ESPL1: variants seen among roughly 807,000 people sequenced by gnomAD.
ESPL1 encodes extra spindle pole bodies like 1, separase, also known as separin.
A neutral mutation model predicts 217.2 loss-of-function variants in ESPL1; 50 were observed. The ratio of observed to expected loss-of-function variants is 0.23; its 90% CI spans 0.18 to 0.29. The LOEUF is 0.29. ESPL1 is among the 10% of genes least tolerant of loss of function. ESPL1 has a pLI of 1.00. For missense variants in ESPL1, 1,834 were observed against 2,603.0 expected (o/e 0.70, Z 6.43); for synonymous variants, 994 against 1,081.3 (o/e 0.92, Z 1.58).
intron 1 of ESPL1, 69 bp downstream of exon 1, chr12:53,268,446 A>T: frequency 3.1e-6 from 1 of 322,204 alleles, no homozygotes; most frequent in Non-Finnish European, 5.8e-6. Flanking sequence ...CGCTGACGCG[A>T]GGAGAGGCGT....
chr12:53,288,824 C>A, intron 20 of ESPL1, 125 bp downstream of exon 20: 1 of 766,638 alleles, frequency 1.3e-6, no homozygotes, highest in African/African-American at 2.3e-5. Context: ...GTGTTTGAAC[C>A]CCAGCACTCT....
chr12:53,274,932 A>T lies in ESPL1; in HGVS notation c.1622A>T (p.His541Leu). The T allele has an allele frequency of 6.2e-7, 1 of 1,604,406 alleles. No individual in the cohort carries two copies. The highest frequency in any genetic ancestry group is 8.5e-7 in the Non-Finnish European group (1 of 1,175,636). ...GCCCTGCAACCCTGTAGCCCTGAAC[A>T]CATGGCTGAGCCAGTCACTTTCTGG... ...LAALQPCSPEHMAEPVTFWVR... is the reference protein window; with the variant it reads ...LAALQPCSPELMAEPVTFWVR... The change falls in exon 7 of 31, where the codon CAC becomes CTC. Residue 541 changes from histidine (H) to leucine (L), a missense_variant. This residue lies in a region of ESPL1 where 746 missense variants were observed against 1,077.0 expected (regional missense o/e 0.69). Transcript: ENST00000257934.
chr12:53,269,789 A>G lies in ESPL1; in HGVS notation c.847A>G (p.Arg283Gly), dbSNP rs770857082. The G allele has an allele frequency of 9.9e-6, 16 of 1,614,076 alleles. No homozygotes were observed. In the Middle Eastern group the frequency reaches 4.9e-4, roughly 50 times the overall value. ...SAVEKAHSYL[R>G]NTNLAPSLQL... ...AGTGGAGAAGGCTCACAGTTACCTA[A>G]GGAACACCAATCTAGCCCCTAGCCT... is the stretch of plus-strand genomic sequence containing the variant. The change falls in exon 3 of 31, where the codon AGG (arginine) becomes GGG (glycine). Residue 283 changes from arginine (R) to glycine (G), a missense_variant. Physicochemically the swap from Arg to Gly is moderately radical, Grantham distance 125. Coordinates refer to ENST00000257934, the MANE Select transcript of ESPL1 (RefSeq NM_012291.5). This position sits in a 1 kb window ranked among gnomAD's most constrained non-coding sequence, Gnocchi z 6.7.
In ESPL1 at chr12:53,286,010, C is replaced by T. The variant is rs368502607; in HGVS notation, c.3274C>T (p.Pro1092Ser). The T allele has an allele frequency of 1.2e-4, 188 of 1,603,674 alleles. No individual in the cohort carries two copies. The highest frequency in any genetic ancestry group is 1.5e-4 in the Non-Finnish European group (174 of 1,171,488). ...GKQQAQVPCPPQLPEEELFLR... is the reference protein window; with the variant it reads ...GKQQAQVPCPSQLPEEELFLR... Reference sequence around the variant, plus strand: ...GCAGCAGGCCCAGGTCCCCTGTCCTCCACAGCTCCCAGAGGAGGAGCTCTT... The same window carrying T: ...GCAGCAGGCCCAGGTCCCCTGTCCTTCACAGCTCCCAGAGGAGGAGCTCTT... The change falls in exon 18 of 31, where the codon CCA (proline) becomes TCA (serine). Residue 1092 changes from proline (P) to serine (S), a missense_variant. By Grantham distance (74) the Pro-to-Ser change is moderately conservative. Coordinates refer to ENST00000257934, the MANE Select transcript of ESPL1 (RefSeq NM_012291.5). The surrounding 1 kb of genome is among the most constrained non-coding windows in gnomAD (Gnocchi z 5.3).
chr12:53,290,548 T>C (rs1276726234), intron 24 of ESPL1, 79 bp downstream of exon 24: 20 of 1,522,588 alleles, frequency 1.3e-5, no homozygotes, highest in Non-Finnish European at 1.4e-5. Flanking sequence ...CCAGACGGCC[T>C]GGGTCAGTGC....
chr12:53,269,515 T>C lies in ESPL1; in HGVS notation c.573T>C (p.Ala191=), dbSNP rs780508347. The part of the protein sequence containing the change: ...ESTPCEVPHF[A]SPTACRAVAA... Reference sequence around the variant, plus strand: ...CCCCTTGTGAGGTTCCTCACTTTGCTTCTCCAACAGCCTGTCGAGCGGTAG... The same window carrying C: ...CCCCTTGTGAGGTTCCTCACTTTGCCTCTCCAACAGCCTGTCGAGCGGTAG... Residue 191 remains alanine (A), a synonymous_variant, in exon 3 of 31, where the codon GCT becomes GCC. Coordinates refer to ENST00000257934, the MANE Select transcript of ESPL1 (RefSeq NM_012291.5). The surrounding 1 kb of genome is among the most constrained non-coding windows in gnomAD (Gnocchi z 6.7). The C allele has an allele frequency of 1.4e-5, 23 of 1,614,254 alleles. No homozygotes were observed. The highest frequency in any genetic ancestry group is 1.9e-5 in the Non-Finnish European group (22 of 1,180,038).
chr12:53,288,381 G>A (rs747269749), intron 19 of ESPL1, 40 bp downstream of exon 19: 6 of 1,553,286 alleles, frequency 3.9e-6, no homozygotes, highest in South Asian at 3.7e-5. Flanking sequence ...CATGTTTTGG[G>A]GGTTTGTTCT....
At chr12:53,270,986 C>T (rs1943660082) in intron 5 of ESPL1, among the ~76,000 whole-genome samples, 188 bp downstream of exon 5, 2 of 152,178 alleles carry the variant, frequency 1.3e-5, no homozygotes, top group African/African-American at 4.8e-5. Flanking sequence ...ATGAAGCTAA[C>T]TTACAACAGC....
At chr12:53,288,786 G>A (rs1302385352) in intron 20 of ESPL1, 87 bp downstream of exon 20, 9 of 1,291,592 alleles carry the variant, frequency 7.0e-6, no homozygotes, top group Middle Eastern at 2.8e-4. Flanking sequence ...GGCTGGGTTC[G>A]GATCTGGATC....
chr12:53,270,134 C>A, intron 3 of ESPL1, 49 bp downstream of exon 3: 1 of 1,474,302 alleles, frequency 6.8e-7, no homozygotes, highest in Non-Finnish European at 9.3e-7. Flanking sequence ...TGTGGACTCA[C>A]TACCAGCCTA....
rs140262036 is a variant in ESPL1 at position 53,279,819 on chromosome 12, C to T, written c.2452C>T (p.His818Tyr). ...CTCGAAGGCAGCTGGCTCCTCCTGCCACATCACCCAGCTCCTCCTGACCCT... is the reference window on the plus strand; with the variant it reads ...CTCGAAGGCAGCTGGCTCCTCCTGCTACATCACCCAGCTCCTCCTGACCCT... The part of the protein sequence containing the change: ...DHSKAAGSSC[H>Y]ITQLLLTLGC... The change falls in exon 12 of 31, where the codon CAC becomes TAC. Residue 818 changes from histidine to tyrosine, a missense_variant. His to Tyr is a moderately conservative substitution (Grantham distance 83, BLOSUM62 2). This residue lies in a region of ESPL1 where 746 missense variants were observed against 1,077.0 expected (regional missense o/e 0.69). Transcript: ENST00000257934. The T allele has an allele frequency of 1.8e-5, 29 of 1,612,016 alleles. No homozygotes were observed. The African/African-American group carries it at 3.9e-4, about 22-fold the overall frequency.
chr12:53,284,076 G>A lies in ESPL1; in HGVS notation c.3096G>A (p.Val1032=), dbSNP rs1458314646. ...CAACAAGGTGTGCCCTGTTCCTGGTGCTGAAGGGCGAGCTGGAGCTGGCCC... is the reference window on the plus strand; with the variant it reads ...CAACAAGGTGTGCCCTGTTCCTGGTACTGAAGGGCGAGCTGGAGCTGGCCC... ...QIPRQCALFL[V]LKGELELARN... Residue 1032 remains valine (V), a synonymous_variant, in exon 17 of 31, where the codon GTG becomes GTA. Transcript: ENST00000257934. The A allele has an allele frequency of 8.1e-6, 13 of 1,613,450 alleles. No homozygotes were observed. The highest frequency in any genetic ancestry group is 1.1e-5 in the Non-Finnish European group (13 of 1,179,500).
chr12:53,293,225 TTC>T lies in ESPL1; in HGVS notation c.6162-46_6162-45del, dbSNP rs1944093153. ...ACCACCAATGGTGTTTTCCTATGTA[TTC>T]TGTTTTAGAGCCCTTACTTTGTATT... On this transcript the variant is annotated intron_variant, in intron 30 of 30. Transcript: ENST00000257934. The surrounding 1 kb of genome is among the most constrained non-coding windows in gnomAD (Gnocchi z 4.2). 6.7e-7 allele frequency: 1 copy of T among 1,486,882 alleles called. No homozygotes were observed. Among genetic ancestry groups the T allele is most frequent in the Non-Finnish European group, 9.4e-7 (1 of 1,064,470 alleles). The allele number at this position is 1,486,882 out of a possible 1,614,324, so 92.1% of individuals were successfully genotyped here.
chr12:53,274,662 A>T (rs765907251), intron 6 of ESPL1, among the ~76,000 whole-genome samples, 155 bp from the exon 7 acceptor site: 3 of 152,124 alleles, frequency 2.0e-5, no homozygotes, highest in Admixed American at 6.5e-5. Context: ...TTTCATTCTT[A>T]GGTGTCTCCT....
intron 6 of ESPL1, 100 bp downstream of exon 6, chr12:53,272,957 T>A: frequency 8.0e-7 from 1 of 1,243,458 alleles, no homozygotes; most frequent in Non-Finnish European, 1.1e-6. Flanking sequence ...AGTGGGAGGT[T>A]AATAGCAGCA....
intron 3 of ESPL1, 105 bp from the exon 4 acceptor site, chr12:53,270,273 C>T (rs896755754): frequency 1.8e-5 from 18 of 994,310 alleles, no homozygotes; most frequent in Non-Finnish European, 2.4e-5. Flanking sequence ...TGTCCTTCCT[C>T]GTGCTCCCTG....
Position 53,288,528 on chromosome 12 carries a change from C to G in ESPL1, c.4547-10C>G. On this transcript the variant is annotated splice_polypyrimidine_tract_variant and intron_variant, in intron 19 of 30. Transcript: ENST00000257934. ...GGGAGCACTGTGAAAAAGGCCTGCT[C>G]TCTCCCCAGGTGGGAAGACTCCAGC... 6.2e-7 allele frequency: 1 copy of G among 1,604,582 alleles called. No individual in the cohort carries two copies. The highest frequency in any genetic ancestry group is 8.5e-7 in the Non-Finnish European group (1 of 1,176,340).
intron 15 of ESPL1, 28 bp from the exon 16 acceptor site, chr12:53,283,354 G>A: frequency 1.2e-6 from 2 of 1,613,584 alleles, no homozygotes; most frequent in Non-Finnish European, 1.7e-6. Context: ...GTGGCTGAGT[G>A]ATGGTGGTCT....
At chr12:53,272,612 T>C (rs1592478116) in intron 5 of ESPL1, 109 bp from the exon 6 acceptor site, 1 of 1,293,812 alleles carries the variant, frequency 7.7e-7, no homozygotes, top group Non-Finnish European at 1.1e-6. Context: ...CTGTCTGATC[T>C]GGAAGCTGCT....
Sources: gnomAD v4.1 joint callset for allele counts (sites outside exome capture counted in the v4.1 genomes callset) on GRCh38, gnomAD v4.1.1 for gene constraint, gnomAD v4.1.1 regional missense constraint, Gnocchi (gnomAD v3.1) non-coding constraint, MANE v1.5 for transcripts, NCBI Gene and HGNC (gene_info 2026-07-23, HGNC 2026-07-21) for gene names.